Variants in ULK4 observed in about 807,000 individuals in gnomAD.
The protein encoded by ULK4 is unc-51 like kinase 4, also known as inactive serine/threonine-protein kinase ULK4.
A neutral mutation model predicts 160.6 loss-of-function variants in ULK4; 133 were observed. The ratio of observed to expected loss-of-function variants is 0.83; its 90% CI spans 0.72 to 0.96. The LOEUF is 0.96. ULK4 is among the 40% of genes least tolerant of loss of function. The probability of loss-of-function intolerance (pLI) is 0.00; values close to 1 mark genes in which losing one functional copy is unlikely to be tolerated. For synonymous variants in ULK4, 534 were observed against 539.8 expected, an observed-to-expected ratio of 0.99 and a Z score of 0.15; for missense variants, 1,580 against 1,499.5, an observed-to-expected ratio of 1.05 and a Z score of -0.89.
At chr3:41,574,291 G>T (rs1416548236) in intron 31 of ULK4, among the ~76,000 whole-genome samples, 2 of 152,058 alleles carry the variant, frequency 1.3e-5, no homozygotes, top group Non-Finnish European at 2.9e-5. Flanking sequence ...AGGTCCCACA[G>T]CTTGCCCAGC....
At chr3:41,653,829 G>T (rs1249083781) in intron 30 of ULK4, among the ~76,000 whole-genome samples, 2 of 152,210 alleles carry the variant, frequency 1.3e-5, no homozygotes, top group Non-Finnish European at 2.9e-5. Flanking sequence ...CTCTGCTTTA[G>T]ATGACAAGGG....
intron 35 of ULK4, among the ~76,000 whole-genome samples, chr3:41,383,093 TTTTTTTTCTTG>T (rs1277717184): frequency 1.4e-4 from 14 of 103,128 alleles, no homozygotes; most frequent in Non-Finnish European, 2.8e-4. Flanking sequence ...CTTTTTCTTT[TTTTTTTTCTTG>T]TTTTTTTTTC....
At chr3:41,824,164 A>AAAAAC (rs2041252888) in intron 18 of ULK4, among the ~76,000 whole-genome samples, 1 of 71,278 alleles carries the variant, frequency 1.4e-5, no homozygotes, top group South Asian at 3.5e-4. Flanking sequence ...CTCTATCTTT[A>AAAAAC]AAAAAAAAAA....
chr3:41,625,685 T>C (rs529010352), intron 30 of ULK4, among the ~76,000 whole-genome samples: 18 of 152,342 alleles, frequency 1.2e-4, no homozygotes, highest in African/African-American at 3.8e-4. Flanking sequence ...TCGGGCTCTG[T>C]TGTGGTTGGC....
chr3:41,491,370 A>G (rs13318692), intron 32 of ULK4, among the ~76,000 whole-genome samples: 62,409 of 151,902 alleles, frequency 0.41, 13,003 homozygotes, highest in African/African-American at 0.44. Flanking sequence ...TAAAGTAACT[A>G]GAAGCAACAA....
At chr3:41,392,797 T>C (rs574425682) in intron 35 of ULK4, among the ~76,000 whole-genome samples, 1 of 152,134 alleles carries the variant, frequency 6.6e-6, no homozygotes, top group Non-Finnish European at 1.5e-5. Flanking sequence ...AGAAAATGCA[T>C]TTGTCAGGCC....
intron 31 of ULK4, among the ~76,000 whole-genome samples, chr3:41,592,553 C>T (rs2031416874): frequency 6.6e-6 from 1 of 151,918 alleles, no homozygotes; most frequent in Non-Finnish European, 1.5e-5. Context: ...TCCTCAATAA[C>T]CTATGGAAAT....
chr3:41,408,224 C>T (rs1202022939), intron 34 of ULK4, among the ~76,000 whole-genome samples: 8 of 151,404 alleles, frequency 5.3e-5, no homozygotes, highest in East Asian at 3.9e-4. Context: ...GTCAGGAGAT[C>T]GAGACCATCC....
At chr3:41,954,853 ATAAT>A in intron 1 of ULK4, 46 bp from the exon 2 acceptor site, 1 of 1,253,744 alleles carries the variant, frequency 8.0e-7, no homozygotes, top group East Asian at 2.4e-5. Context: ...AGTTAGTTGC[ATAAT>A]TAATTAGCCT....
chr3:41,802,887 C>A (rs2040505639), intron 19 of ULK4, among the ~76,000 whole-genome samples: 1 of 152,104 alleles, frequency 6.6e-6, no homozygotes, highest in African/African-American at 2.4e-5. Flanking sequence ...GATGTATAGG[C>A]TGGGCGCAGT....
At chr3:41,445,636 T>C (rs1391474508) in intron 34 of ULK4, among the ~76,000 whole-genome samples, 1 of 152,212 alleles carries the variant, frequency 6.6e-6, no homozygotes, top group Non-Finnish European at 1.5e-5. Context: ...GGATCCCCTA[T>C]TTAATAAATG....
intron 32 of ULK4, among the ~76,000 whole-genome samples, chr3:41,548,774 G>T (rs944182401): frequency 6.6e-5 from 10 of 151,420 alleles, no homozygotes; most frequent in African/African-American, 9.7e-5. Flanking sequence ...ACCATCCAGG[G>T]ACCCAAAGAC....
In ULK4 at chr3:41,817,420, T is replaced by G. The variant is rs564325322; in HGVS notation, c.1848+2003A>C. ...ACAAAGAAAATGTAGTACATATACA[T>G]CATAAAAGAACTATGCAGCCATAAA... On this transcript the variant is annotated intron_variant, in intron 19 of 36. Coordinates refer to ENST00000301831, the MANE Select transcript of ULK4 (RefSeq NM_017886.4). 2.6e-5 allele frequency among the ~76,000 whole-genome samples: 4 copies of G among 152,228 alleles called. No individual in the cohort carries two copies. In the South Asian group the frequency reaches 8.3e-4, roughly 32 times the overall value.
intron 35 of ULK4, among the ~76,000 whole-genome samples, chr3:41,307,904 A>T (rs959620271): frequency 2.0e-5 from 3 of 152,212 alleles, no homozygotes; most frequent in African/African-American, 7.2e-5. Flanking sequence ...GGGAAAACAC[A>T]CAGAAAAAAT....
chr3:41,734,654 AG>A (rs2037965394), intron 22 of ULK4, among the ~76,000 whole-genome samples: 1 of 152,220 alleles, frequency 6.6e-6, no homozygotes, highest in African/African-American at 2.4e-5. Context: ...GAAGAAAGCA[AG>A]GAATGTAGAT....
At chr3:41,858,662 T>G (rs2042428397) in intron 17 of ULK4, among the ~76,000 whole-genome samples, 1 of 143,978 alleles carries the variant, frequency 6.9e-6, no homozygotes. Flanking sequence ...TTGGCTAATT[T>G]TTGTGTGATT....
intron 31 of ULK4, among the ~76,000 whole-genome samples, chr3:41,578,971 T>C (rs1450160070): frequency 6.6e-6 from 1 of 152,200 alleles, no homozygotes. Context: ...CCAACCCTCC[T>C]CTTCAGTATC....
chr3:41,450,910 C>T (rs1226352910), intron 34 of ULK4, among the ~76,000 whole-genome samples: 1 of 152,208 alleles, frequency 6.6e-6, no homozygotes, highest in Non-Finnish European at 1.5e-5. Context: ...AGCCTACACA[C>T]ATCATGCATA....
chr3:41,761,544 C>G (rs542381542), intron 21 of ULK4, among the ~76,000 whole-genome samples: 1 of 151,678 alleles, frequency 6.6e-6, no homozygotes, highest in South Asian at 2.1e-4. Flanking sequence ...AATATTTTAT[C>G]ACACTACTGT....
Sources: allele counts gnomAD v4.1 joint callset (sites outside exome capture counted in the v4.1 genomes callset), GRCh38; gene constraint gnomAD v4.1.1; transcripts MANE v1.5; gene names NCBI Gene and HGNC (gene_info 2026-07-23, HGNC 2026-07-21).